Variants in SLC16A7 observed in about 807,000 individuals in gnomAD.
SLC16A7 encodes solute carrier family 16 member 7, also known as monocarboxylate transporter 2.
In SLC16A7, 33 loss-of-function variants were observed where a neutral mutation model predicts 34.9. The ratio of observed to expected loss-of-function variants is 0.94; its 90% confidence interval spans 0.72 to 1.26. The LOEUF (loss-of-function observed/expected upper bound fraction) is 1.26, where lower values mean the gene tolerates loss of function less well. Among genes scored for constraint, SLC16A7 ranks in the 50% most tolerant of loss-of-function variants. The probability of loss-of-function intolerance (pLI) is 0.00; values close to 1 mark genes in which losing one functional copy is unlikely to be tolerated. For missense variants in SLC16A7, 573 were observed against 578.1 expected, an observed-to-expected ratio of 0.99 and a Z score of 0.09; for synonymous variants, 201 against 206.6, an observed-to-expected ratio of 0.97 and a Z score of 0.23.
intron 1 of SLC16A7, among the ~76,000 whole-genome samples, chr12:59,615,282 C>CTGTTTT: frequency 6.6e-6 from 1 of 151,890 alleles, no homozygotes; most frequent in Non-Finnish European, 1.5e-5. Context: ...TTTATAGCAG[C>CTGTTTT]ACAAACAGAC....
intron 2 of SLC16A7, chr12:59,696,523 A>G (rs1393216297): frequency 6.6e-6 from 1 of 152,032 alleles, no homozygotes; most frequent in East Asian, 1.9e-4. Context: ...ATCTATCAAC[A>G]CGTAAAACTA....
intron 2 of SLC16A7, among the ~76,000 whole-genome samples, chr12:59,675,327 A>C (rs779767128): frequency 1.3e-5 from 2 of 152,204 alleles, no homozygotes; most frequent in Non-Finnish European, 2.9e-5. Flanking sequence ...TGATGGTAGC[A>C]TCTTGTTCTG....
chr12:59,741,491 T>C (rs1878337202), intron 3 of SLC16A7, among the ~76,000 whole-genome samples: 1 of 152,166 alleles, frequency 6.6e-6, no homozygotes. Context: ...TCATTAAAAA[T>C]AGGGCAAAAA....
At chr12:59,673,703 G>T (rs1312362285) in intron 2 of SLC16A7, among the ~76,000 whole-genome samples, 1 of 152,046 alleles carries the variant, frequency 6.6e-6, no homozygotes, top group African/African-American at 2.4e-5. Context: ...ATTGGAACAG[G>T]TTTATAAAGA....
At chr12:59,660,541 C>CAAA (rs201006070) in intron 2 of SLC16A7, among the ~76,000 whole-genome samples, 230 of 111,506 alleles carry the variant, frequency 2.1e-3, no homozygotes, top group African/African-American at 7.7e-3. Context: ...CTTGTCTCTA[C>CAAA]AAAAAAAAAA....
At chr12:59,669,721 A>G (rs1428536758) in intron 2 of SLC16A7, among the ~76,000 whole-genome samples, 2 of 149,854 alleles carry the variant, frequency 1.3e-5, no homozygotes, top group African/African-American at 2.5e-5. Flanking sequence ...AAGGCTATCA[A>G]TACTTTCAAT....
At chr12:59,646,293 T>C (rs1341100412) in intron 1 of SLC16A7, among the ~76,000 whole-genome samples, 1 of 152,148 alleles carries the variant, frequency 6.6e-6, no homozygotes, top group Non-Finnish European at 1.5e-5. Flanking sequence ...AGGGCCCCCC[T>C]GCTGTGTGCA....
chr12:59,768,231 G>A, intron 3 of SLC16A7: 1 of 454,862 alleles, frequency 2.2e-6, no homozygotes, highest in Non-Finnish European at 4.4e-6. Flanking sequence ...CACTGTTATG[G>A]GAGGAGGTCA....
chr12:59,691,829 T>G (rs552096065), intron 2 of SLC16A7, among the ~76,000 whole-genome samples: 1 of 152,116 alleles, frequency 6.6e-6, no homozygotes, highest in South Asian at 2.1e-4. Flanking sequence ...GCCACAGTGA[T>G]AAATGATGTT....
At chr12:59,664,328 A>G (rs1036226155) in intron 2 of SLC16A7, among the ~76,000 whole-genome samples, 22 of 152,266 alleles carry the variant, frequency 1.4e-4, no homozygotes, top group Admixed American at 8.5e-4. Flanking sequence ...ATCTATCACC[A>G]GATTCACCCT....
intron 3 of SLC16A7, among the ~76,000 whole-genome samples, chr12:59,749,236 G>A (rs970004841): frequency 1.3e-5 from 2 of 152,186 alleles, no homozygotes; most frequent in African/African-American, 2.4e-5. Context: ...CTACAAAGGC[G>A]ATAACTCCTG....
chr12:59,705,109 A>G (rs1052263036), intron 3 of SLC16A7, 91 bp downstream of exon 3: 6 of 862,766 alleles, frequency 7.0e-6, no homozygotes, highest in Non-Finnish European at 9.4e-6. Flanking sequence ...GTATATTAAA[A>G]CCCTGTTTTT....
chr12:59,643,458 C>T (rs1038304940), intron 1 of SLC16A7, among the ~76,000 whole-genome samples: 2 of 152,104 alleles, frequency 1.3e-5, no homozygotes, highest in Admixed American at 6.6e-5. Flanking sequence ...CCTCTAGGCA[C>T]TGCTAGGTAC....
intron 2 of SLC16A7, among the ~76,000 whole-genome samples, chr12:59,669,661 C>CACACACACACACACAG (rs1243190102): frequency 2.0e-5 from 3 of 151,312 alleles, no homozygotes; most frequent in Admixed American, 6.6e-5. Flanking sequence ...GTCACACACA[C>CACACACACACACACAG]ACACACACAC....
In SLC16A7 at chr12:59,711,438, A is replaced by G. The variant is rs190757912; in HGVS notation, c.217+6420A>G. On this transcript the variant is annotated intron_variant, in intron 3 of 5. Coordinates refer to ENST00000547379, the MANE Select transcript of SLC16A7 (RefSeq NM_001270623.2). ...GGTTACATGTCAAAATGCATATATC[A>G]TATTTGGAAACTATTGCCTAATGAA... Among the ~76,000 whole-genome samples the G allele has an allele frequency of 1.4e-3, 212 of 152,298 alleles. 1 individual carries two copies. Among genetic ancestry groups the G allele is most frequent in the Middle Eastern group, 6.8e-3 (2 of 294 alleles).
intron 4 of SLC16A7, among the ~76,000 whole-genome samples, chr12:59,772,946 T>C (rs912903401): frequency 2.0e-5 from 3 of 152,088 alleles, no homozygotes; most frequent in Non-Finnish European, 2.9e-5. Context: ...AATAGGTACC[T>C]ATTTGGAGTA....
At chr12:59,636,849 C>A (rs1247244483) in intron 1 of SLC16A7, among the ~76,000 whole-genome samples, 1 of 152,094 alleles carries the variant, frequency 6.6e-6, no homozygotes, top group Non-Finnish European at 1.5e-5. Flanking sequence ...TTAAGCACAT[C>A]TACTTGATAT....
chr12:59,602,732 A>C (rs1278623236), intron 1 of SLC16A7, among the ~76,000 whole-genome samples: 1 of 151,808 alleles, frequency 6.6e-6, no homozygotes, highest in Admixed American at 6.6e-5. Context: ...TGATCTGCCC[A>C]CCTTGGCCCC....
chr12:59,614,782 A>G (rs1277277697), intron 1 of SLC16A7, among the ~76,000 whole-genome samples: 1 of 140,584 alleles, frequency 7.1e-6, no homozygotes, highest in East Asian at 2.3e-4. Flanking sequence ...AGGTCAGGAG[A>G]TCGAGACCAT....
Sources: gnomAD v4.1 joint callset for allele counts (sites outside exome capture counted in the v4.1 genomes callset) on GRCh38, gnomAD v4.1.1 for gene constraint, MANE v1.5 for transcripts, NCBI Gene and HGNC (gene_info 2026-07-23, HGNC 2026-07-21) for gene names.